CPNE4: variants seen among roughly 807,000 people sequenced by gnomAD.
The protein encoded by CPNE4 is copine 4.
Under a neutral mutation model 67.9 loss-of-function variants are expected in CPNE4, and 25 were observed. The observed-to-expected ratio is 0.37, with a 90% CI of 0.27 to 0.51. CPNE4 has a LOEUF of 0.51. CPNE4 is among the 20% of genes least tolerant of loss of function. The pLI, the probability that CPNE4 is intolerant of heterozygous loss-of-function variation, is 0.93. For synonymous variants in CPNE4, 242 were observed against 244.9 expected, an observed-to-expected ratio of 0.99 and a Z score of 0.11; for missense variants, 464 against 690.8, an observed-to-expected ratio of 0.67 and a Z score of 3.68.
chr3:131,717,918 CTTTCTT>C lies in CPNE4; in HGVS notation c.360+5522_360+5527del, dbSNP rs1560173508. ...TCTTTCTTTCTTTCTTTCTTTCTTT[CTTTCTT>C]TCTTTCTTTCTTTCTTTCTTTTCTT... On this transcript the variant is annotated intron_variant, in intron 3 of 15. Transcript: ENST00000429747. Among the ~76,000 whole-genome samples, 8 of 134,272 alleles carry C rather than the reference CTTTCTT, an allele frequency of 6.0e-5. No individual in the cohort carries two copies. The East Asian group carries it at 9.3e-4, about 16-fold the overall frequency. 88.1% of individuals were successfully genotyped at this position (134,272 alleles called of 152,430 possible).
At chr3:131,948,580 A>C (rs909653443) in intron 1 of CPNE4, among the ~76,000 whole-genome samples, 5 of 152,216 alleles carry the variant, frequency 3.3e-5, no homozygotes, top group African/African-American at 1.2e-4. Context: ...TGTTAATGTA[A>C]GAAACACAAC....
At chr3:131,626,393 A>G (rs2079075298) in intron 7 of CPNE4, among the ~76,000 whole-genome samples, 1 of 152,256 alleles carries the variant, frequency 6.6e-6, no homozygotes, top group African/African-American at 2.4e-5. Flanking sequence ...CAATGGTAAG[A>G]AAGCAAATGA....
chr3:131,572,109 A>T (rs1479017902), intron 10 of CPNE4, among the ~76,000 whole-genome samples: 1 of 152,044 alleles, frequency 6.6e-6, no homozygotes, highest in Non-Finnish European at 1.5e-5. Flanking sequence ...GAGGAGAAAG[A>T]TGCCCCCATC....
intron 2 of CPNE4, among the ~76,000 whole-genome samples, chr3:131,766,144 T>C (rs2083007372): frequency 6.6e-6 from 1 of 152,172 alleles, no homozygotes; most frequent in Non-Finnish European, 1.5e-5. Flanking sequence ...CATTTCAGAC[T>C]CTGGCCTGCC....
chr3:131,537,364 A>T (rs1234154329), intron 15 of CPNE4, among the ~76,000 whole-genome samples: 4 of 148,706 alleles, frequency 2.7e-5, no homozygotes, highest in Non-Finnish European at 3.0e-5. Flanking sequence ...GCTCACTGTA[A>T]CCTCCGCTTC....
chr3:131,877,303 AGG>A (rs1213217166), intron 2 of CPNE4, among the ~76,000 whole-genome samples: 1 of 152,172 alleles, frequency 6.6e-6, no homozygotes, highest in African/African-American at 2.4e-5. Context: ...TTCTGTGTCC[AGG>A]GGGCAACAAC....
At chr3:131,834,216 C>T (rs759441815) in intron 2 of CPNE4, among the ~76,000 whole-genome samples, 3 of 152,030 alleles carry the variant, frequency 2.0e-5, no homozygotes, top group Admixed American at 1.3e-4. Context: ...TTATAATAAC[C>T]TTTATCTTCC....
chr3:131,560,935 G>A (rs956022010), intron 11 of CPNE4, among the ~76,000 whole-genome samples: 1 of 152,056 alleles, frequency 6.6e-6, no homozygotes, highest in African/African-American at 2.4e-5. Flanking sequence ...GACTGGTGTA[G>A]AGTGGACAAG....
intron 1 of CPNE4, among the ~76,000 whole-genome samples, chr3:131,942,468 G>A (rs2071426289): frequency 3.2e-5 from 1 of 31,596 alleles, no homozygotes; most frequent in Non-Finnish European, 5.4e-5. Context: ...GTGTGTGAGA[G>A]AGAGAGAGAG....
At chr3:131,986,881 C>A (rs866450772) in intron 1 of CPNE4, among the ~76,000 whole-genome samples, 3,884 of 94,336 alleles carry the variant, frequency 0.041, 181 homozygotes, top group African/African-American at 0.13. Context: ...AAAAAAAAAA[C>A]AAAGAACTTA....
chr3:131,705,956 C>T (rs2081405181), intron 3 of CPNE4, among the ~76,000 whole-genome samples: 1 of 152,162 alleles, frequency 6.6e-6, no homozygotes, highest in Non-Finnish European at 1.5e-5. Flanking sequence ...CCACACTTCA[C>T]CCCCATCTCC....
At chr3:131,980,656 C>T (rs2072882341) in intron 1 of CPNE4, among the ~76,000 whole-genome samples, 1 of 152,162 alleles carries the variant, frequency 6.6e-6, no homozygotes, top group Non-Finnish European at 1.5e-5. Context: ...TGGTCCCTCC[C>T]TGATTAGCTT....
upstream of CPNE4, chr3:132,035,136 G>T: frequency 1.1e-6 from 1 of 877,246 alleles, no homozygotes; most frequent in Non-Finnish European, 1.4e-6. Context: ...GCCCCGCCCA[G>T]GCCTTGGCGG....
At chr3:132,023,976 T>C (rs2074060495) in intron 1 of CPNE4, among the ~76,000 whole-genome samples, 1 of 152,190 alleles carries the variant, frequency 6.6e-6, no homozygotes, top group African/African-American at 2.4e-5. Context: ...AGCATGGGTC[T>C]GATACAGCAG....
At chr3:131,935,293 A>G (rs1380238984) in intron 1 of CPNE4, among the ~76,000 whole-genome samples, 2 of 152,182 alleles carry the variant, frequency 1.3e-5, no homozygotes, top group African/African-American at 2.4e-5. Flanking sequence ...TTATCTGGAT[A>G]GAATAAAAAT....
At chr3:131,813,987 G>A (rs891983531) in intron 2 of CPNE4, among the ~76,000 whole-genome samples, 18 of 152,130 alleles carry the variant, frequency 1.2e-4, no homozygotes, top group Non-Finnish European at 1.2e-4. Flanking sequence ...ACTGACACAC[G>A]GCAAGGGTCT....
intron 2 of CPNE4, among the ~76,000 whole-genome samples, chr3:131,810,950 G>T (rs2084501399): frequency 1.3e-5 from 2 of 152,016 alleles, no homozygotes; most frequent in Admixed American, 1.3e-4. Flanking sequence ...GATACTGTAT[G>T]ATCTCACTTA....
At chr3:131,731,823 G>A (rs2082134883) in intron 2 of CPNE4, among the ~76,000 whole-genome samples, 1 of 152,154 alleles carries the variant, frequency 6.6e-6, no homozygotes. Flanking sequence ...CTATCTTGCT[G>A]TAGTTTAGTG....
At chr3:131,751,523 A>G (rs1173561969) in intron 2 of CPNE4, among the ~76,000 whole-genome samples, 1 of 133,312 alleles carries the variant, frequency 7.5e-6, no homozygotes, top group East Asian at 2.4e-4. Context: ...TTCTTTGCTG[A>G]GGTTTTCATT....
Sources: gnomAD v4.1 joint callset for allele counts (sites outside exome capture counted in the v4.1 genomes callset) on GRCh38, gnomAD v4.1.1 for gene constraint, MANE v1.5 for transcripts, NCBI Gene and HGNC (gene_info 2026-07-23, HGNC 2026-07-21) for gene names.